DRD3: variants seen among roughly 807,000 people sequenced by gnomAD.
DRD3 encodes D(3) dopamine receptor.
A neutral mutation model predicts 36.3 loss-of-function variants in DRD3; 19 were observed. That is an observed-to-expected ratio of 0.52 (90% CI 0.36 to 0.77). The LOEUF (loss-of-function observed/expected upper bound fraction) is 0.77. Among genes scored for constraint, DRD3 ranks in the 30% least tolerant of loss-of-function variants. The pLI is 0.00. For synonymous variants in DRD3, 195 were observed against 203.7 expected, an observed-to-expected ratio of 0.96 and a Z score of 0.36; for missense variants, 465 against 505.3, an observed-to-expected ratio of 0.92 and a Z score of 0.77.
intron 2 of DRD3, among the ~76,000 whole-genome samples, chr3:114,165,649 G>A (rs145819222): frequency 1.3e-4 from 20 of 151,996 alleles, no homozygotes; most frequent in Non-Finnish European, 2.4e-4. Context: ...TGAATTTTTA[G>A]TTATTTGGAA....
intron 3 of DRD3, 84 bp downstream of exon 3, chr3:114,159,671 G>T: frequency 9.7e-7 from 1 of 1,035,442 alleles, no homozygotes; most frequent in East Asian, 2.4e-5. Context: ...ACTTGGAGGT[G>T]ACCCCAGTAC....
Position 114,128,214 on chromosome 3 carries a change from C to T in DRD3, c.*502G>A, listed in dbSNP as rs1185435740. The stretch of plus-strand genomic sequence containing the variant: ...AGAGAGGTAGAAGCACTGGCCTTGC[C>T]ATTCACAGTTCCAGATACAGTGAAG... On this transcript the variant is annotated 3_prime_UTR_variant, in exon 7 of 7. Coordinates refer to ENST00000383673, the MANE Select transcript of DRD3 (RefSeq NM_000796.6). Among the ~76,000 whole-genome samples the T allele has an allele frequency of 6.6e-6, 1 of 152,196 alleles. No individual in the cohort carries two copies. The highest frequency in any genetic ancestry group is 1.5e-5 in the Non-Finnish European group (1 of 68,040).
chr3:114,150,802 C>G (rs1478102841), intron 3 of DRD3, among the ~76,000 whole-genome samples: 1 of 152,178 alleles, frequency 6.6e-6, no homozygotes. Flanking sequence ...TGAGGCTCCT[C>G]CTGTGTGTTT....
rs1045289536 is a variant in DRD3, at chr3:114,128,445, C to A, written c.*271G>T. Among the ~76,000 whole-genome samples the A allele has an allele frequency of 1.3e-5, 2 of 152,158 alleles. No individual in the cohort carries two copies. The highest frequency in any genetic ancestry group is 4.8e-5 in the African/African-American group (2 of 41,434). ...CCTCTGATGACAATTTTGTGTGAGT[C>A]ATGTTTTATCAGCTTCTTTCTGAAT... is the stretch of plus-strand genomic sequence containing the variant. On this transcript the variant is annotated 3_prime_UTR_variant, in exon 7 of 7. Transcript: ENST00000383673.
chr3:114,175,042 A>G (rs923055591), intron 1 of DRD3, among the ~76,000 whole-genome samples: 2 of 152,182 alleles, frequency 1.3e-5, no homozygotes, highest in Non-Finnish European at 2.9e-5. Context: ...TTTGGGCTGA[A>G]TAATTCTTTG....
At chr3:114,163,530 C>A (rs1265694505) in intron 2 of DRD3, among the ~76,000 whole-genome samples, 1 of 152,174 alleles carries the variant, frequency 6.6e-6, no homozygotes, top group Non-Finnish European at 1.5e-5. Context: ...ATTTTGACCC[C>A]TTTATATTAC....
chr3:114,168,018 G>A (rs917987867), intron 2 of DRD3, among the ~76,000 whole-genome samples: 8 of 152,168 alleles, frequency 5.3e-5, no homozygotes, highest in Non-Finnish European at 1.2e-4. Context: ...GTGCCCTGAT[G>A]GAACTGTGCC....
chr3:114,185,269 T>C (rs182769856), intron 1 of DRD3, among the ~76,000 whole-genome samples: 20 of 152,320 alleles, frequency 1.3e-4, no homozygotes, highest in Admixed American at 7.2e-4. Flanking sequence ...GTCTCCTATG[T>C]CTTTTAGGCT....
chr3:114,156,994 T>TTC lies in DRD3; in HGVS notation c.383+2759_383+2760dup, dbSNP rs774424169. ...CTTCCTTCTTTCTTTCTTCCTTTCT[T>TTC]TCTCTCTCTCTCTCTCTTTCTTTCT... On this transcript the variant is annotated intron_variant, in intron 3 of 6. Transcript: ENST00000383673. Among the ~76,000 whole-genome samples, 68 of 147,084 alleles carry TTC rather than the reference T, an allele frequency of 4.6e-4. 2 individuals are homozygous for TTC. The highest frequency in any genetic ancestry group is 3.4e-3 in the Middle Eastern group (1 of 292).
chr3:114,136,212 T>TCAAAAA (rs10627695), intron 5 of DRD3, among the ~76,000 whole-genome samples: 12,035 of 151,028 alleles, frequency 0.08, 1,073 homozygotes, highest in African/African-American at 0.22. Flanking sequence ...AGACTCTGTC[T>TCAAAAA]CAAAAACAAA....
intron 3 of DRD3, among the ~76,000 whole-genome samples, chr3:114,152,573 G>A (rs1433268056): frequency 6.6e-6 from 1 of 152,216 alleles, no homozygotes; most frequent in African/African-American, 2.4e-5. Context: ...TAAGCCGACT[G>A]CGACAGGGAG....
At chr3:114,141,100 C>T (rs1409232857) in intron 4 of DRD3, among the ~76,000 whole-genome samples, 13 of 152,244 alleles carry the variant, frequency 8.5e-5, no homozygotes, top group South Asian at 2.1e-4. Flanking sequence ...GGCTCGATCT[C>T]GGCTCACCGC....
intron 4 of DRD3, among the ~76,000 whole-genome samples, chr3:114,144,295 C>CT (rs1188577252): frequency 6.6e-6 from 1 of 152,210 alleles, no homozygotes; most frequent in Non-Finnish European, 1.5e-5. Context: ...CCAGAAAGTT[C>CT]TTTTTTTGTG....
rs145943325 is a variant in DRD3, at chr3:114,144,690, C to T, written c.526+2725G>A. On this transcript the variant is annotated intron_variant, in intron 4 of 6. Coordinates refer to ENST00000383673, the MANE Select transcript of DRD3 (RefSeq NM_000796.6). ...AAACTTTTCCAATAAATAATAACAA[C>T]CATAACACCAGCTAATATCTACTGA... 5.9e-4 allele frequency among the ~76,000 whole-genome samples: 90 copies of T among 152,280 alleles called. 1 individual carries two copies. The highest frequency in any genetic ancestry group is 2.1e-3 in the African/African-American group (87 of 41,558).
chr3:114,152,950 T>A (rs2077632065), intron 3 of DRD3, among the ~76,000 whole-genome samples: 1 of 152,216 alleles, frequency 6.6e-6, no homozygotes, highest in African/African-American at 2.4e-5. Context: ...CCTGCCAGCC[T>A]CGCACTGTGC....
At chr3:114,158,517 C>T (rs1270573503) in intron 3 of DRD3, among the ~76,000 whole-genome samples, 2 of 152,180 alleles carry the variant, frequency 1.3e-5, no homozygotes, top group Non-Finnish European at 2.9e-5. Context: ...GCTTTATTAT[C>T]ATTACCCCAA....
intron 3 of DRD3, among the ~76,000 whole-genome samples, chr3:114,159,525 G>A (rs557002744): frequency 6.6e-6 from 1 of 152,080 alleles, no homozygotes; most frequent in African/African-American, 2.4e-5. Flanking sequence ...ATCCTCTTCA[G>A]GGAGCTGGAG....
chr3:114,173,742 C>T (rs1225375453), intron 1 of DRD3, among the ~76,000 whole-genome samples: 1 of 152,098 alleles, frequency 6.6e-6, no homozygotes, highest in Non-Finnish European at 1.5e-5. Context: ...GTGTATTTGT[C>T]AAGGTGGGAG....
At chr3:114,196,920 T>G (rs2078037963) in intron 1 of DRD3, among the ~76,000 whole-genome samples, 1 of 151,930 alleles carries the variant, frequency 6.6e-6, no homozygotes, top group Non-Finnish European at 1.5e-5. Flanking sequence ...TTTTTCCCAG[T>G]CTATGTCTGT....
Sources: gnomAD v4.1 joint callset for allele counts (sites outside exome capture counted in the v4.1 genomes callset) on GRCh38, gnomAD v4.1.1 for gene constraint, MANE v1.5 for transcripts, NCBI Gene and HGNC (gene_info 2026-07-23, HGNC 2026-07-21) for gene names.